DLGAP1: variants seen among roughly 807,000 people sequenced by gnomAD.
The protein encoded by DLGAP1 is disks large-associated protein 1.
DLGAP1 carries 11 observed loss-of-function variants against 90.8 expected under a neutral mutation model. The observed-to-expected ratio is 0.12, with a 90% confidence interval of 0.08 to 0.20. The LOEUF is 0.20. Ranked by LOEUF, DLGAP1 falls within the 10% of genes least tolerant of loss-of-function variation. The pLI, the probability that DLGAP1 is intolerant of heterozygous loss-of-function variation, is 1.00. For missense variants in DLGAP1, 1,050 were observed against 1,333.8 expected (o/e 0.79, Z 3.31); for synonymous variants, 558 against 540.7 (o/e 1.03, Z -0.44).
At chr18:4,147,071 T>G (rs965976753) in intron 2 of DLGAP1, among the ~76,000 whole-genome samples, 4 of 152,158 alleles carry the variant, frequency 2.6e-5, no homozygotes, top group Admixed American at 6.5e-5. Context: ...CACTGACACA[T>G]GAACACATTT....
chr18:3,833,385 C>T (rs1051170928), intron 4 of DLGAP1, among the ~76,000 whole-genome samples: 39 of 151,950 alleles, frequency 2.6e-4, no homozygotes, highest in African/African-American at 9.2e-4. Context: ...AGGCACATGC[C>T]ACCACGCCCA....
intron 1 of DLGAP1, among the ~76,000 whole-genome samples, chr18:4,415,698 T>C (rs1302572704): frequency 6.6e-6 from 1 of 152,204 alleles, no homozygotes; most frequent in Non-Finnish European, 1.5e-5. Flanking sequence ...TGTCACTTAC[T>C]AGCTTTATGT....
Position 3,879,683 on chromosome 18 carries a change from T to G in DLGAP1, c.386A>C (p.Glu129Ala). 6.2e-7 allele frequency: 1 copy of G among 1,607,368 alleles called. No homozygotes were observed. Among genetic ancestry groups the G allele is most frequent in the Middle Eastern group, 1.6e-4 (1 of 6,062 alleles). Residue 129 changes from glutamate to alanine, a missense_variant, in exon 4 of 13, where the codon GAG becomes GCG. This residue lies in a region of DLGAP1 where 485 missense variants were observed against 454.1 expected (regional missense o/e 1.07). Transcript: ENST00000315677. The surrounding 1 kb of genome is among the most constrained non-coding windows in gnomAD (Gnocchi z 6.6). ...GCGGCCGGGGCTGTCGCTGCGGTGC[T>G]CCACGGCCGTGCGCTTGTACTGCAG... Reference protein sequence around the residue: ...HTLQYKRTAVEHRSDSPGRIR... With the variant: ...HTLQYKRTAVAHRSDSPGRIR...
intron 1 of DLGAP1, among the ~76,000 whole-genome samples, chr18:4,310,238 G>A (rs922615258): frequency 2.6e-5 from 4 of 151,482 alleles, no homozygotes; most frequent in Non-Finnish European, 5.9e-5. Context: ...TTGGGTGTGA[G>A]TTTTTTTTTA....
chr18:4,382,279 T>C (rs2082141001), intron 1 of DLGAP1, among the ~76,000 whole-genome samples: 4 of 152,194 alleles, frequency 2.6e-5, no homozygotes, highest in Admixed American at 2.0e-4. Context: ...TTTCTTCATA[T>C]ATATAACGAG....
rs148586134 is a variant in DLGAP1 at position 3,944,235 on chromosome 18, C to T, written c.-73+60881G>A. ...TGCAAGGGCTGGATGCGCTGGCTCA[C>T]GCCTATAATCCCAGCACTTTGGGAA... On this transcript the variant is annotated intron_variant, in intron 3 of 12. Coordinates refer to ENST00000315677, the MANE Select transcript of DLGAP1 (RefSeq NM_004746.4). Among the ~76,000 whole-genome samples, 940 of 152,320 alleles carry T rather than the reference C, an allele frequency of 6.2e-3. 12 individuals are homozygous for T. Among genetic ancestry groups the T allele is most frequent in the African/African-American group, 0.022 (895 of 41,576 alleles).
chr18:3,861,967 A>G (rs1483916218), intron 4 of DLGAP1, among the ~76,000 whole-genome samples: 2 of 152,238 alleles, frequency 1.3e-5, no homozygotes, highest in African/African-American at 4.8e-5. Flanking sequence ...CAGCTTTGGA[A>G]GTCTGGTGAG....
intron 7 of DLGAP1, among the ~76,000 whole-genome samples, chr18:3,600,969 G>GATCGATAT (rs2056964548): frequency 1.1e-5 from 1 of 87,504 alleles, no homozygotes; most frequent in Non-Finnish European, 2.4e-5. Context: ...TAGATATATA[G>GATCGATAT]ATAGATATAT....
chr18:3,821,784 A>G (rs2067433180), intron 4 of DLGAP1: 1 of 464,610 alleles, frequency 2.2e-6, no homozygotes, highest in Non-Finnish European at 2.8e-6. Context: ...CATTTGTAAG[A>G]AGGCTCCACC....
At chr18:3,642,347 T>C (rs2058970668) in intron 7 of DLGAP1, among the ~76,000 whole-genome samples, 1 of 152,226 alleles carries the variant, frequency 6.6e-6, no homozygotes, top group Non-Finnish European at 1.5e-5. Flanking sequence ...ATCATTTCAG[T>C]GCTCAAAAAG....
At chr18:3,752,185 A>G (rs2063527198) in intron 5 of DLGAP1, among the ~76,000 whole-genome samples, 1 of 152,192 alleles carries the variant, frequency 6.6e-6, no homozygotes, top group Non-Finnish European at 1.5e-5. Context: ...CGGCCGGCTC[A>G]TAAAGTTTTA....
At position 3,813,006 on chromosome 18, in the gene DLGAP1, C is replaced by T. The variant is rs117129236; in HGVS notation, c.1172+1053G>A. 2.3e-4 allele frequency among the ~76,000 whole-genome samples: 35 copies of T among 152,286 alleles called. No homozygotes were observed. The East Asian group carries it at 6.4e-3, about 28-fold the overall frequency. On this transcript the variant is annotated intron_variant, in intron 5 of 12. Transcript: ENST00000315677. ...CCAAATGGAATTCTATCTATTTCTA[C>T]ATTCCAAGACTCTAAAGAATTTACT...
At chr18:3,504,929 G>C (rs890037715) in intron 11 of DLGAP1, among the ~76,000 whole-genome samples, 2 of 152,142 alleles carry the variant, frequency 1.3e-5, no homozygotes, top group African/African-American at 4.8e-5. Flanking sequence ...AGTGGGGAGA[G>C]CCAAGGGAGG....
intron 2 of DLGAP1, among the ~76,000 whole-genome samples, chr18:4,092,163 A>G (rs960874502): frequency 2.0e-5 from 3 of 152,088 alleles, no homozygotes; most frequent in African/African-American, 7.2e-5. Context: ...ATGGTATCAA[A>G]GGGCGTGTCT....
chr18:4,442,278 G>T (rs962299939), intron 1 of DLGAP1, among the ~76,000 whole-genome samples: 11 of 152,156 alleles, frequency 7.2e-5, no homozygotes, highest in African/African-American at 2.7e-4. Flanking sequence ...GATTACAGGC[G>T]TGAGCCACTT....
At chr18:4,087,404 A>G (rs921509596) in intron 2 of DLGAP1, among the ~76,000 whole-genome samples, 2 of 152,212 alleles carry the variant, frequency 1.3e-5, no homozygotes, top group African/African-American at 4.8e-5. Context: ...TTCTTAAACC[A>G]CAAACAATAG....
chr18:3,986,930 T>C (rs1481902384), intron 3 of DLGAP1, among the ~76,000 whole-genome samples: 1 of 152,202 alleles, frequency 6.6e-6, no homozygotes, highest in Non-Finnish European at 1.5e-5. Flanking sequence ...AAATGTCCTA[T>C]GATTTAGCAA....
intron 1 of DLGAP1, among the ~76,000 whole-genome samples, chr18:4,436,091 T>TA (rs2083392610): frequency 6.6e-6 from 1 of 152,134 alleles, no homozygotes; most frequent in Non-Finnish European, 1.5e-5. Context: ...GTTTCAAAGG[T>TA]AGGGAAGGTT....
Position 3,573,933 on chromosome 18 carries a change from C to A in DLGAP1, c.1966-6352G>T, listed in dbSNP as rs565114339. 8.5e-5 allele frequency among the ~76,000 whole-genome samples: 13 copies of A among 152,274 alleles called. No individual in the cohort carries two copies. In the South Asian group the frequency reaches 2.7e-3, roughly 32 times the overall value. The stretch of plus-strand genomic sequence containing the variant: ...CTTAAGCTGGTCTTGAATTCCCTGG[C>A]TCAAGCCATCTACCCACCTTAGCTT... On this transcript the variant is annotated intron_variant, in intron 8 of 12. Transcript: ENST00000315677.
Sources: allele counts gnomAD v4.1 joint callset (sites outside exome capture counted in the v4.1 genomes callset), GRCh38; gene constraint gnomAD v4.1.1; regional missense constraint gnomAD v4.1.1; non-coding constraint Gnocchi (gnomAD v3.1); transcripts MANE v1.5; gene names NCBI Gene and HGNC (gene_info 2026-07-23, HGNC 2026-07-21).